Variants in FANCL observed in about 807,000 individuals in gnomAD.
FANCL encodes the protein FA complementation group L, also known as E3 ubiquitin-protein ligase FANCL.
A neutral mutation model predicts 59.4 loss-of-function variants in FANCL; 69 were observed. That is an observed-to-expected ratio of 1.16 (90% confidence interval 0.96 to 1.42). The LOEUF (loss-of-function observed/expected upper bound fraction) is 1.42, where lower values mean the gene tolerates loss of function less well. Ranked by LOEUF, FANCL falls within the 40% of genes most tolerant of loss-of-function variation. FANCL has a pLI of 0.00. For missense variants in FANCL, 519 were observed against 447.2 expected (o/e 1.16, Z -1.45); for synonymous variants, 180 against 147.1 (o/e 1.22, Z -1.62).
At chr2:58,179,548 C>T (rs530821506) in intron 7 of FANCL, among the ~76,000 whole-genome samples, 3 of 152,260 alleles carry the variant, frequency 2.0e-5, no homozygotes, top group African/African-American at 4.8e-5. Flanking sequence ...AAAACTCAAA[C>T]GGGACCCCTC....
Position 58,226,790 on chromosome 2 carries a change from T to C in FANCL, c.217-6A>G. 6.2e-7 allele frequency: 1 copy of C among 1,608,914 alleles called. No individual in the cohort carries two copies. Among genetic ancestry groups the C allele is most frequent in the Middle Eastern group, 1.7e-4 (1 of 6,038 alleles). ...TCAGGAGAGTGCTGCATTCTCTAGA[T>C]CAAAATATTTCCAATTAATTTCATT... is the stretch of plus-strand genomic sequence containing the variant. On this transcript the variant is annotated splice_polypyrimidine_tract_variant and splice_region_variant and intron_variant, in intron 3 of 13. Transcript: ENST00000233741.
chr2:58,175,426 G>T (rs1314380036), intron 7 of FANCL, among the ~76,000 whole-genome samples: 2 of 147,518 alleles, frequency 1.4e-5, no homozygotes, highest in African/African-American at 5.4e-5. Context: ...CATCAAAAAC[G>T]TTATCCACCA....
At chr2:58,231,521 C>T (rs1693575453) in intron 2 of FANCL, among the ~76,000 whole-genome samples, 1 of 152,150 alleles carries the variant, frequency 6.6e-6, no homozygotes, top group African/African-American at 2.4e-5. Context: ...CAATTCTACT[C>T]ATAAATATCT....
At chr2:58,241,371 G>A (rs2104087349), upstream of FANCL, 1 of 1,542,330 alleles carries the variant, frequency 6.5e-7, no homozygotes, top group Middle Eastern at 1.8e-4. Context: ...CTGCACATGC[G>A]CAGTCCGCTG....
At chr2:58,222,385 T>C (rs747937355) in intron 4 of FANCL, among the ~76,000 whole-genome samples, 2 of 152,138 alleles carry the variant, frequency 1.3e-5, no homozygotes, top group African/African-American at 2.4e-5. Flanking sequence ...AATATGATGT[T>C]TGATATATAC....
intron 7 of FANCL, among the ~76,000 whole-genome samples, chr2:58,176,734 T>C (rs1184929084): frequency 6.6e-6 from 1 of 152,052 alleles, no homozygotes; most frequent in Non-Finnish European, 1.5e-5. Context: ...GGACTTCATG[T>C]CTAAAACACC....
intron 7 of FANCL, among the ~76,000 whole-genome samples, chr2:58,176,810 C>G (rs1012084044): frequency 4.6e-5 from 7 of 152,152 alleles, no homozygotes; most frequent in Non-Finnish European, 8.8e-5. Context: ...AGCTTCTACA[C>G]AGCAAAAGAA....
intron 7 of FANCL, among the ~76,000 whole-genome samples, chr2:58,172,036 G>C (rs571669076): frequency 6.6e-6 from 1 of 152,238 alleles, no homozygotes; most frequent in African/African-American, 2.4e-5. Context: ...AGGTGGCAGC[G>C]AGGCTGGGGG....
intron 4 of FANCL, among the ~76,000 whole-genome samples, chr2:58,225,934 C>T (rs1187230717): frequency 6.6e-6 from 1 of 151,890 alleles, no homozygotes; most frequent in Admixed American, 6.6e-5. Context: ...ACCTTGTTTG[C>T]ATACTAATAC....
At chr2:58,210,398 G>T (rs1013656738) in intron 5 of FANCL, among the ~76,000 whole-genome samples, 1 of 152,086 alleles carries the variant, frequency 6.6e-6, no homozygotes, top group African/African-American at 2.4e-5. Flanking sequence ...ATTACCATGA[G>T]AACAATATGG....
intron 1 of FANCL, among the ~76,000 whole-genome samples, chr2:58,233,609 C>T (rs1234990065): frequency 6.6e-6 from 1 of 151,904 alleles, no homozygotes; most frequent in Non-Finnish European, 1.5e-5. Context: ...AAATTACCTA[C>T]AGGAAGAAAA....
intron 7 of FANCL, among the ~76,000 whole-genome samples, chr2:58,171,816 G>C (rs189178005): frequency 1.3e-5 from 2 of 152,186 alleles, no homozygotes; most frequent in Non-Finnish European, 2.9e-5. Flanking sequence ...TGCCTCCCTC[G>C]GGAAGTGCAA....
At chr2:58,219,153 AAAAAAAAAAAAAAAAAAAAT>A (rs1692159203) in intron 5 of FANCL, among the ~76,000 whole-genome samples, 2 of 73,942 alleles carry the variant, frequency 2.7e-5, no homozygotes, top group Non-Finnish European at 4.9e-5. Context: ...AAAAAAAAAA[AAAAAAAAAAAAAAAAAAAAT>A]ATATATATAT....
intron 5 of FANCL, among the ~76,000 whole-genome samples, chr2:58,220,795 G>C (rs62140048): frequency 0.042 from 6,406 of 152,226 alleles, 160 homozygotes; most frequent in East Asian, 0.094. Flanking sequence ...GAAAAACTTA[G>C]TGGTGAAAAA....
intron 6 of FANCL, among the ~76,000 whole-genome samples, chr2:58,203,530 A>G (rs1690261011): frequency 6.6e-6 from 1 of 152,070 alleles, no homozygotes; most frequent in African/African-American, 2.4e-5. Context: ...TTCACAATTT[A>G]GAACTAAAAA....
chr2:58,163,323 G>A (rs1449837466), intron 9 of FANCL, 111 bp downstream of exon 9: 1 of 855,130 alleles, frequency 1.2e-6, no homozygotes, highest in Non-Finnish European at 1.9e-6. Flanking sequence ...CTCCGTCTCA[G>A]ACAAAAAATA....
chr2:58,162,240 C>T (rs1685293882), intron 11 of FANCL, among the ~76,000 whole-genome samples: 2 of 151,894 alleles, frequency 1.3e-5, no homozygotes, highest in Admixed American at 6.6e-5. Flanking sequence ...ATTATTTTTG[C>T]AGTATAGTGG....
At chr2:58,221,736 CA>C (rs1257498301) in intron 5 of FANCL, among the ~76,000 whole-genome samples, 1 of 151,864 alleles carries the variant, frequency 6.6e-6, no homozygotes, top group Admixed American at 6.6e-5. Flanking sequence ...TCATTTTTTC[CA>C]AATTATATTT....
chr2:58,169,704 C>T (rs963177523), intron 7 of FANCL, among the ~76,000 whole-genome samples: 4 of 151,832 alleles, frequency 2.6e-5, no homozygotes, highest in Non-Finnish European at 5.9e-5. Context: ...TATAGAAGAA[C>T]ATAAATGACC....
Sources: allele counts gnomAD v4.1 joint callset (sites outside exome capture counted in the v4.1 genomes callset), GRCh38; gene constraint gnomAD v4.1.1; transcripts MANE v1.5; gene names NCBI Gene and HGNC (gene_info 2026-07-23, HGNC 2026-07-21).